The following NOX5 variants were observed in gnomAD, a reference collection of about 807,000 sequenced individuals.
The protein encoded by NOX5 is NADPH oxidase, EF-hand calcium binding domain 5.
A neutral mutation model predicts 85.7 loss-of-function variants in NOX5; 76 were observed. The ratio of observed to expected loss-of-function variants is 0.89; its 90% CI spans 0.74 to 1.07. NOX5 has a LOEUF of 1.07. NOX5 is among the 50% of genes least tolerant of loss of function. The pLI, the probability that NOX5 is intolerant of heterozygous loss-of-function variation, is 0.00. For missense variants in NOX5, 973 were observed against 999.5 expected (o/e 0.97, Z 0.36); for synonymous variants, 405 against 401.4 (o/e 1.01, Z -0.11).
In NOX5 at chr15:69,060,565, A is replaced by T. The variant is rs191984193; in HGVS notation, c.*3869A>T. On this transcript the variant is annotated 3_prime_UTR_variant, in exon 16 of 16. Coordinates refer to ENST00000388866, the MANE Select transcript of NOX5 (RefSeq NM_024505.4). ...TATCTGTGTGCTCTGGGGAGTGGGA[A>T]TGGAGGGATACAATGAAGGAAAGGA... The T allele has an allele frequency of 5.8e-4, 89 of 152,324 alleles. 1 individual carries two copies. The highest frequency in any genetic ancestry group is 2.1e-3 in the African/African-American group (87 of 41,574). The allele number at this position is 152,324 out of a possible 1,614,324, so 9.4% of individuals were successfully genotyped here.
At chr15:69,040,759 T>C (rs2050584113) in intron 9 of NOX5, among the ~76,000 whole-genome samples, 2 of 152,126 alleles carry the variant, frequency 1.3e-5, no homozygotes, top group African/African-American at 4.8e-5. Context: ...TGATCTTGGC[T>C]CACTGCAGCC....
intron 4 of NOX5, 84 bp from the exon 5 acceptor site, chr15:69,032,957 CAT>C: frequency 6.7e-7 from 1 of 1,498,822 alleles, no homozygotes; most frequent in Non-Finnish European, 8.8e-7. Context: ...CTTGGTCGGC[CAT>C]AGCTTGAAGG....
At chr15:69,044,499 G>A (rs577386664) in intron 10 of NOX5, among the ~76,000 whole-genome samples, 1 of 152,214 alleles carries the variant, frequency 6.6e-6, no homozygotes, top group South Asian at 2.1e-4. Context: ...GAGAAAATGA[G>A]GCTAATCAAA....
intron 2 of NOX5, among the ~76,000 whole-genome samples, chr15:69,027,226 G>C (rs967314108): frequency 6.6e-6 from 1 of 152,172 alleles, no homozygotes; most frequent in African/African-American, 2.4e-5. Flanking sequence ...ACCCTCCCCT[G>C]CTGGTCCTGG....
At chr15:69,037,415 C>T (rs1487744323) in intron 8 of NOX5, 1 of 578,848 alleles carries the variant, frequency 1.7e-6, no homozygotes, top group Non-Finnish European at 3.0e-6. Flanking sequence ...AATGGCAGGG[C>T]AGGCAATAAA....
At chr15:69,045,796 G>A (rs1319732520) in intron 10 of NOX5, among the ~76,000 whole-genome samples, 3 of 151,994 alleles carry the variant, frequency 2.0e-5, no homozygotes, top group Non-Finnish European at 2.9e-5. Context: ...AGGCTTTCTC[G>A]TTGCCATCAG....
At chr15:69,026,714 T>C in intron 2 of NOX5, 63 bp downstream of exon 2, 1 of 1,606,524 alleles carries the variant, frequency 6.2e-7, no homozygotes, top group Non-Finnish European at 8.5e-7. Context: ...TCTCAGGGCA[T>C]AGCCCTTACA....
Position 69,031,723 on chromosome 15 carries a change from C to A in NOX5, c.531C>A (p.Ala177=). 1 of 1,612,994 alleles carries A rather than the reference C, an allele frequency of 6.2e-7. No homozygotes were observed. Among genetic ancestry groups the A allele is most frequent in the Non-Finnish European group, 8.5e-7 (1 of 1,179,720 alleles). The change falls in exon 4 of 16, where the codon GCC becomes GCA. Residue 177 remains alanine, a synonymous_variant. Coordinates refer to ENST00000388866, the MANE Select transcript of NOX5 (RefSeq NM_024505.4). ...DQLTLALFES[A]DADGNGAITF... Reference sequence around the variant, plus strand: ...TGACGCTGGCGCTCTTCGAATCGGCCGACGCGGACGGCAACGGGGCCATCA... The same window carrying A: ...TGACGCTGGCGCTCTTCGAATCGGCAGACGCGGACGGCAACGGGGCCATCA...
In NOX5 at chr15:69,037,353, G is replaced by A; in HGVS notation, c.1371+143G>A. ...AGCCCCATTGCTATGGAGGAGAGAA[G>A]CAAAATGCAAGACCCAGTCCAGCCC... On this transcript the variant is annotated intron_variant, in intron 8 of 15. Transcript: ENST00000388866. 3.6e-6 allele frequency: 3 copies of A among 830,784 alleles called. No individual in the cohort carries two copies. In the Admixed American group the frequency reaches 8.5e-5, roughly 24 times the overall value. The allele number at this position is 830,784 out of a possible 1,614,324, so 51.5% of individuals were successfully genotyped here. A position where few individuals can be genotyped will look rare whatever the true frequency, so the allele number is the denominator to read the frequency against.
intron 10 of NOX5, among the ~76,000 whole-genome samples, chr15:69,044,326 G>A (rs1378559297): frequency 6.6e-6 from 1 of 152,164 alleles, no homozygotes; most frequent in East Asian, 1.9e-4. Flanking sequence ...AGCAACATAG[G>A]CATAGTCACT....
At chr15:69,038,741 C>T (rs981342972) in intron 8 of NOX5, 116 bp from the exon 9 acceptor site, 16 of 1,407,576 alleles carry the variant, frequency 1.1e-5, no homozygotes, top group East Asian at 2.3e-5. Flanking sequence ...TGTCATGTCT[C>T]GGGGCATGCC....
At position 69,049,043 on chromosome 15, in the gene NOX5, G is replaced by C; in HGVS notation, c.1984G>C (p.Glu662Gln). 1 of 1,611,642 alleles carries C rather than the reference G, an allele frequency of 6.2e-7. No homozygotes were observed. The highest frequency in any genetic ancestry group is 8.5e-7 in the Non-Finnish European group (1 of 1,179,024). Residue 662 changes from glutamate (E) to glutamine (Q), a missense_variant, in exon 14 of 16, where the codon GAG becomes CAG. Coordinates refer to ENST00000388866, the MANE Select transcript of NOX5 (RefSeq NM_024505.4). ...LLTKLEMDQA[E>Q]EAQYGRFLEL... is the part of the protein sequence containing the mutation. ...GACTAAACTGGAGATGGACCAGGCCGAGGAGGCTCAATACGGTAAGAGAGG... is the reference window on the plus strand; with the variant it reads ...GACTAAACTGGAGATGGACCAGGCCCAGGAGGCTCAATACGGTAAGAGAGG...
intron 14 of NOX5, among the ~76,000 whole-genome samples, chr15:69,054,454 C>T (rs1483224023): frequency 2.0e-5 from 3 of 152,208 alleles, no homozygotes; most frequent in African/African-American, 7.2e-5. Flanking sequence ...CTCAACCTTC[C>T]CCTGTCTCCT....
Position 69,047,445 on chromosome 15 carries a change from C to T in NOX5, c.1725C>T (p.Thr575=), listed in dbSNP as rs373341231. The stretch of plus-strand genomic sequence containing the variant: ...TCGATGGGCCTTATGGGACCCCCAC[C>T]CGCAGGATCTTTGCCTCTGAGCATG... The part of the protein sequence containing the change: ...CYIDGPYGTP[T]RRIFASEHAV... The change falls in exon 12 of 16, where the codon ACC becomes ACT. Residue 575 remains threonine (T), a synonymous_variant. Transcript: ENST00000388866. The T allele has an allele frequency of 6.1e-5, 98 of 1,613,964 alleles. No individual in the cohort carries two copies. In the Middle Eastern group the frequency reaches 8.3e-4, roughly 14 times the overall value.
chr15:69,048,031 C>A, intron 13 of NOX5, 120 bp downstream of exon 13: 1 of 809,438 alleles, frequency 1.2e-6, no homozygotes, highest in Non-Finnish European at 2.0e-6. Context: ...TGGGATCTTT[C>A]TTTCCCCACA....
At position 69,023,595 on chromosome 15, in the gene NOX5, A is replaced by G. The variant is rs377640657; in HGVS notation, c.51-2933A>G. ...ATACACAAATATATTAGTGGATACT[A>G]CAGAGTGTCATCTTATTTCTTTGGA... On this transcript the variant is annotated intron_variant, in intron 1 of 15. Transcript: ENST00000388866. The G allele has an allele frequency of 7.0e-4, 138 of 196,458 alleles. 1 individual carries two copies. The highest frequency in any genetic ancestry group is 3.1e-3 in the African/African-American group (130 of 42,168). 12.2% of individuals were successfully genotyped at this position (196,458 alleles called of 1,614,324 possible).
At chr15:69,034,414 A>T (rs1392254183) in intron 5 of NOX5, among the ~76,000 whole-genome samples, 2 of 152,208 alleles carry the variant, frequency 1.3e-5, no homozygotes, top group Non-Finnish European at 2.9e-5. Context: ...ACTTCATTCC[A>T]GGAGTGGGAG....
intron 1 of NOX5, among the ~76,000 whole-genome samples, chr15:69,020,059 T>C (rs1046730580): frequency 2.0e-5 from 3 of 152,250 alleles, no homozygotes; most frequent in Non-Finnish European, 4.4e-5. Context: ...TTTCCATTGC[T>C]GGTTTCTGTT....
intron 3 of NOX5, 198 bp from the exon 4 acceptor site, chr15:69,031,320 A>G: frequency 5.0e-6 from 3 of 596,148 alleles, no homozygotes; most frequent in Non-Finnish European, 8.8e-6. Context: ...TTCTGGAGAC[A>G]GGCAACCACT....
Sources: allele counts gnomAD v4.1 joint callset (sites outside exome capture counted in the v4.1 genomes callset), GRCh38; gene constraint gnomAD v4.1.1; transcripts MANE v1.5; gene names NCBI Gene and HGNC (gene_info 2026-07-23, HGNC 2026-07-21).